The following MMP14 variants were observed in gnomAD, a reference collection of about 807,000 sequenced individuals.
MMP14 encodes matrix metalloproteinase-14.
MMP14 carries 13 observed loss-of-function variants against 64.8 expected under a neutral mutation model. The observed-to-expected ratio is 0.20, with a 90% confidence interval of 0.13 to 0.32. The LOEUF (loss-of-function observed/expected upper bound fraction) is 0.32. Among genes scored for constraint, MMP14 ranks in the 10% least tolerant of loss-of-function variants. The probability of loss-of-function intolerance (pLI) is 1.00; values close to 1 mark genes in which losing one functional copy is unlikely to be tolerated. For missense variants in MMP14, 594 were observed against 783.8 expected, an observed-to-expected ratio of 0.76 and a Z score of 2.89; for synonymous variants, 322 against 315.9, an observed-to-expected ratio of 1.02 and a Z score of -0.20.
chr14:22,841,420 C>T, intron 1 of MMP14, 71 bp from the exon 2 acceptor site: 1 of 1,574,938 alleles, frequency 6.3e-7, no homozygotes, highest in Non-Finnish European at 8.6e-7. Flanking sequence ...GTATGCTGGG[C>T]ATTGTCGGGG....
chr14:22,843,502 C>T lies in MMP14; in HGVS notation c.850+84C>T. Reference sequence around the variant, plus strand: ...CGCATTTCCCCTCTTTTATGCCTTGCAGTCTCCGCACCGCCCCCTGCCAAC... The same window carrying T: ...CGCATTTCCCCTCTTTTATGCCTTGTAGTCTCCGCACCGCCCCCTGCCAAC... On this transcript the variant is annotated intron_variant, in intron 5 of 9. Coordinates refer to ENST00000311852, the MANE Select transcript of MMP14 (RefSeq NM_004995.4). The surrounding 1 kb of genome is among the most constrained non-coding windows in gnomAD (Gnocchi z 4.8). 2.6e-6 allele frequency: 4 copies of T among 1,514,620 alleles called. No homozygotes were observed. Among genetic ancestry groups the T allele is most frequent in the Middle Eastern group, 1.8e-4 (1 of 5,678 alleles). 93.8% of individuals were successfully genotyped at this position (1,514,620 alleles called of 1,614,324 possible).
chr14:22,836,703 T>C lies in MMP14; in HGVS notation c.-115T>C, dbSNP rs1459276253. ...TCCAAGCCGACAGCGGTCTAGGAAT[T>C]CAAGTTCAGTGCCTACCGAAGACAA... On this transcript the variant is annotated 5_prime_UTR_variant, in exon 1 of 10. Transcript: ENST00000311852. 3.4e-6 allele frequency: 2 copies of C among 579,802 alleles called. No individual in the cohort carries two copies. Among genetic ancestry groups the C allele is most frequent in the East Asian group, 6.1e-5 (2 of 32,920 alleles). 35.9% of individuals were successfully genotyped at this position (579,802 alleles called of 1,614,324 possible).
In MMP14 at chr14:22,846,559, C is replaced by T. The variant is rs1294145991; in HGVS notation, c.*520C>T. On this transcript the variant is annotated 3_prime_UTR_variant, in exon 10 of 10. Transcript: ENST00000311852. ...ATCTAATCTTGTTGAGGGTAGAGAC[C>T]CTGAGACAGTGTGAGGGGGTGGGGA... 6.5e-6 allele frequency: 1 copy of T among 154,220 alleles called. No homozygotes were observed. Among genetic ancestry groups the T allele is most frequent in the Non-Finnish European group, 1.4e-5 (1 of 69,382 alleles). The allele number at this position is 154,220 out of a possible 1,614,324, so 9.6% of individuals were successfully genotyped here. A position where few individuals can be genotyped will look rare whatever the true frequency, so the allele number is the denominator to read the frequency against.
intron 1 of MMP14, among the ~76,000 whole-genome samples, chr14:22,838,361 C>G (rs549217935): frequency 2.8e-4 from 42 of 152,258 alleles, no homozygotes; most frequent in African/African-American, 9.6e-4. Flanking sequence ...GGGGCGGCTG[C>G]CCTGGCTCCG....
In MMP14 at chr14:22,842,488, T is replaced by C; in HGVS notation, c.459T>C (p.Ser153=). The C allele has an allele frequency of 6.2e-7, 1 of 1,613,668 alleles. No homozygotes were observed. Among genetic ancestry groups the C allele is most frequent in the Non-Finnish European group, 8.5e-7 (1 of 1,179,902 alleles). ...GCAAGGCGTTCCGCGTGTGGGAGAG[T>C]GCCACACCACTGCGCTTCCGCGAGG... ...AIRKAFRVWE[S]ATPLRFREVP... Residue 153 remains serine, a synonymous_variant, in exon 4 of 10, where the codon AGT becomes AGC. Transcript: ENST00000311852. The surrounding 1 kb of genome is among the most constrained non-coding windows in gnomAD (Gnocchi z 5.3).
chr14:22,842,234 G>T lies in MMP14; in HGVS notation c.381-176G>T. 1 of 998,976 alleles carries T rather than the reference G, an allele frequency of 1.0e-6. No individual in the cohort carries two copies. The allele number at this position is 998,976 out of a possible 1,614,324, so 61.9% of individuals were successfully genotyped here. A position where few individuals can be genotyped will look rare whatever the true frequency, so the allele number is the denominator to read the frequency against. On this transcript the variant is annotated intron_variant, in intron 3 of 9. Coordinates refer to ENST00000311852, the MANE Select transcript of MMP14 (RefSeq NM_004995.4). The surrounding 1 kb of genome is among the most constrained non-coding windows in gnomAD (Gnocchi z 5.3). Reference sequence around the variant, plus strand: ...TGCACCCCAGTGCCAGAGAGCCAGAGCCTGAGGATCCCTTGTTCTTGAGAC... The same window carrying T: ...TGCACCCCAGTGCCAGAGAGCCAGATCCTGAGGATCCCTTGTTCTTGAGAC...
In MMP14 at chr14:22,843,720, A is replaced by G; in HGVS notation, c.861A>G (p.Ser287=). 1.3e-6 allele frequency: 2 copies of G among 1,589,948 alleles called. No homozygotes were observed. Among genetic ancestry groups the G allele is most frequent in the Non-Finnish European group, 1.7e-6 (2 of 1,173,502 alleles). ...TGTTTTCTGCCCCAGGGGGTGAGTC[A>G]GGGTTCCCCACCAAGATGCCCCCTC... ...RGIQQLYGGE[S]GFPTKMPPQP... Residue 287 remains serine (S), a synonymous_variant, in exon 6 of 10, where the codon TCA becomes TCG. Transcript: ENST00000311852. The surrounding 1 kb of genome is among the most constrained non-coding windows in gnomAD (Gnocchi z 4.8).
chr14:22,844,904 G>A (rs2039801205), intron 8 of MMP14, 124 bp downstream of exon 8: 2 of 1,358,306 alleles, frequency 1.5e-6, no homozygotes. Flanking sequence ...AGCTGGCTGA[G>A]CCTCTGCTGT....
At position 22,843,119 on chromosome 14, in the gene MMP14, T is replaced by A. The variant is rs1017473373; in HGVS notation, c.689-138T>A. The A allele has an allele frequency of 1.5e-5, 14 of 944,458 alleles. No homozygotes were observed. In the African/African-American group the frequency reaches 2.3e-4, roughly 16 times the overall value. 58.5% of individuals were successfully genotyped at this position (944,458 alleles called of 1,614,324 possible). On this transcript the variant is annotated intron_variant, in intron 4 of 9. Coordinates refer to ENST00000311852, the MANE Select transcript of MMP14 (RefSeq NM_004995.4). The surrounding 1 kb of genome is among the most constrained non-coding windows in gnomAD (Gnocchi z 4.8). ...TGTGCTTAAATACCAGATAAAAAGC[T>A]AGACCTCAGAATTTGGCCACTTTGG...
At chr14:22,838,237 C>A (rs1170283479) in intron 1 of MMP14, among the ~76,000 whole-genome samples, 2 of 152,166 alleles carry the variant, frequency 1.3e-5, no homozygotes, top group African/African-American at 4.8e-5. Flanking sequence ...TCCTCTGAGA[C>A]CTGAAAGGGA....
rs17880934 is a variant in MMP14, at chr14:22,840,665, T to C, written c.109-826T>C. On this transcript the variant is annotated intron_variant, in intron 1 of 9. Transcript: ENST00000311852. ...CTGGGACTACAAGCGCCCGCCACCG[T>C]GCCCGGCTAATATTTTTTGTATTTT... 9.6e-3 allele frequency among the ~76,000 whole-genome samples: 1,463 copies of C among 152,112 alleles called. 22 individuals are homozygous for C. Among genetic ancestry groups the C allele is most frequent in the African/African-American group, 0.033 (1,384 of 41,492 alleles).
rs2039787014 is a variant in MMP14 at position 22,843,388 on chromosome 14, G to A, written c.820G>A (p.Asp274Asn). 1.2e-6 allele frequency: 2 copies of A among 1,613,832 alleles called. No individual in the cohort carries two copies. Among genetic ancestry groups the A allele is most frequent in the Non-Finnish European group, 1.7e-6 (2 of 1,179,996 alleles). The change falls in exon 5 of 10, where the codon GAT becomes AAT. Residue 274 changes from aspartate to asparagine, a missense_variant. Asp to Asn is a conservative substitution (Grantham distance 23). Coordinates refer to ENST00000311852, the MANE Select transcript of MMP14 (RefSeq NM_004995.4). This position sits in a 1 kb window ranked among gnomAD's most constrained non-coding sequence, Gnocchi z 4.8. The part of the protein sequence containing the change: ...MDTENFVLPD[D>N]DRRGIQQLYG... ...CACGGAGAATTTTGTGCTGCCCGATGATGACCGCCGGGGCATCCAGCAACT... is the reference window on the plus strand; with the variant it reads ...CACGGAGAATTTTGTGCTGCCCGATAATGACCGCCGGGGCATCCAGCAACT...
intron 1 of MMP14, chr14:22,837,315 C>G: frequency 2.1e-6 from 1 of 467,734 alleles, no homozygotes; most frequent in Non-Finnish European, 4.3e-6. Flanking sequence ...CCTCGTCATG[C>G]GCGAGAGTTT....
In MMP14 at chr14:22,842,579, G is replaced by C. The variant is rs779226971; in HGVS notation, c.550G>C (p.Gly184Arg). The C allele has an allele frequency of 1.2e-5, 19 of 1,614,186 alleles. 1 individual carries two copies. In the Admixed American group the frequency reaches 3.2e-4, roughly 27 times the overall value. Residue 184 changes from glycine (G) to arginine (R), a missense_variant, in exon 4 of 10, where the codon GGC becomes CGC. Transcript: ENST00000311852. The surrounding 1 kb of genome is among the most constrained non-coding windows in gnomAD (Gnocchi z 5.3). ...QADIMIFFAE[G>R]FHGDSTPFDG... ...CGACATCATGATCTTCTTTGCCGAGGGCTTCCATGGCGACAGCACGCCCTT... is the reference window on the plus strand; with the variant it reads ...CGACATCATGATCTTCTTTGCCGAGCGCTTCCATGGCGACAGCACGCCCTT...
Position 22,842,314 on chromosome 14 carries a change from G to A in MMP14, c.381-96G>A. The A allele has an allele frequency of 7.2e-7, 1 of 1,394,436 alleles. No homozygotes were observed. Among genetic ancestry groups the A allele is most frequent in the Non-Finnish European group, 9.8e-7 (1 of 1,017,036 alleles). 86.4% of individuals were successfully genotyped at this position (1,394,436 alleles called of 1,614,324 possible). On this transcript the variant is annotated intron_variant, in intron 3 of 9. Coordinates refer to ENST00000311852, the MANE Select transcript of MMP14 (RefSeq NM_004995.4). This position sits in a 1 kb window ranked among gnomAD's most constrained non-coding sequence, Gnocchi z 5.3. ...AGCTGGGTCAGGCAGAGGTGGCTGG[G>A]CCGCGCAGTCAGACCTGGGAGAGTG...
Position 22,846,483 on chromosome 14 carries a change from C to T in MMP14, c.*444C>T, listed in dbSNP as rs2039814824. 6.0e-6 allele frequency: 1 copy of T among 167,298 alleles called. No homozygotes were observed. The highest frequency in any genetic ancestry group is 1.3e-5 in the Non-Finnish European group (1 of 78,278). The allele number at this position is 167,298 out of a possible 1,614,324, so 10.4% of individuals were successfully genotyped here. A position where few individuals can be genotyped will look rare whatever the true frequency, so the allele number is the denominator to read the frequency against. ...CTCTGGGCACTCCAGCCCTGAAAGC[C>T]CCAGGTGTACCCAATTGGCAGCCTC... is the stretch of plus-strand genomic sequence containing the variant. On this transcript the variant is annotated 3_prime_UTR_variant, in exon 10 of 10. Transcript: ENST00000311852.
Position 22,836,674 on chromosome 14 carries a change from TA to T in MMP14, c.-142del. 1.8e-6 allele frequency: 1 copy of T among 548,854 alleles called. No homozygotes were observed. Among genetic ancestry groups the T allele is most frequent in the East Asian group, 3.1e-5 (1 of 32,428 alleles). 34.0% of individuals were successfully genotyped at this position (548,854 alleles called of 1,614,324 possible). A position where few individuals can be genotyped will look rare whatever the true frequency, so the allele number is the denominator to read the frequency against. On this transcript the variant is annotated 5_prime_UTR_variant, in exon 1 of 10. Transcript: ENST00000311852. ...AGGCACTTTGAGGAACAATCCCCTT[TA>T]ACTCCAAGCCGACAGCGGTCTAGGA...
rs1255251157 is a variant in MMP14, at chr14:22,845,917, G to GTGCTGCCCGTGC, written c.1634_1645dup (p.Pro545_Leu548dup). The GTGCTGCCCGTGC allele has an allele frequency of 3.7e-6, 6 of 1,605,808 alleles. No individual in the cohort carries two copies. The highest frequency in any genetic ancestry group is 4.5e-5 in the East Asian group (2 of 44,590). ...CGGGGCGGTGAGCGCGGCTGCCGTG[G>GTGCTGCCCGTGC]TGCTGCCCGTGCTGCTGCTGCTCCT... is the stretch of plus-strand genomic sequence containing the variant. On this transcript the variant is annotated inframe_insertion, in exon 10 of 10. Transcript: ENST00000311852.
Position 22,843,528 on chromosome 14 carries a change from C to G in MMP14, c.850+110C>G, listed in dbSNP as rs1664327396. 9 of 1,423,594 alleles carry G rather than the reference C, an allele frequency of 6.3e-6. No individual in the cohort carries two copies. In the South Asian group the frequency reaches 9.1e-5, roughly 14 times the overall value. 88.2% of individuals were successfully genotyped at this position (1,423,594 alleles called of 1,614,324 possible). On this transcript the variant is annotated intron_variant, in intron 5 of 9. Coordinates refer to ENST00000311852, the MANE Select transcript of MMP14 (RefSeq NM_004995.4). The surrounding 1 kb of genome is among the most constrained non-coding windows in gnomAD (Gnocchi z 4.8). The stretch of plus-strand genomic sequence containing the variant: ...AGTCTCCGCACCGCCCCCTGCCAAC[C>G]TGCCCCTGCCTCTATCAGCTCCACT...
Sources: allele counts gnomAD v4.1 joint callset (sites outside exome capture counted in the v4.1 genomes callset), GRCh38; gene constraint gnomAD v4.1.1; non-coding constraint Gnocchi (gnomAD v3.1); transcripts MANE v1.5; gene names NCBI Gene and HGNC (gene_info 2026-07-23, HGNC 2026-07-21).